Variants in GSE1 observed in about 807,000 individuals in gnomAD.
The protein encoded by GSE1 is genetic suppressor element 1.
GSE1 carries 32 observed loss-of-function variants against 112.6 expected under a neutral mutation model. The ratio of observed to expected loss-of-function variants is 0.28; its 90% CI spans 0.21 to 0.38. The LOEUF (loss-of-function observed/expected upper bound fraction) is 0.38, where lower values mean the gene tolerates loss of function less well. GSE1 is among the 10% of genes least tolerant of loss of function. The pLI is 1.00. For synonymous variants in GSE1, 1,115 were observed against 735.6 expected, an observed-to-expected ratio of 1.52 and a Z score of -8.35; for missense variants, 2,348 against 1,699.2, an observed-to-expected ratio of 1.38 and a Z score of -6.71.
chr16:85,655,336 T>C (rs1027660578), intron 5 of GSE1, among the ~76,000 whole-genome samples: 1 of 152,178 alleles, frequency 6.6e-6, no homozygotes, highest in South Asian at 2.1e-4. Context: ...GGTGGCACTG[T>C]GGTCTGGCCT....
chr16:85,599,410 C>G (rs1300705024), intron 1 of GSE1, among the ~76,000 whole-genome samples: 2 of 152,248 alleles, frequency 1.3e-5, no homozygotes, highest in African/African-American at 2.4e-5. Flanking sequence ...AATACTGATT[C>G]CTGGGCTCCG....
intron 2 of GSE1, among the ~76,000 whole-genome samples, chr16:85,395,155 G>A (rs747349042): frequency 1.3e-5 from 2 of 152,108 alleles, no homozygotes; most frequent in African/African-American, 2.4e-5. Flanking sequence ...GGGGCAAGCT[G>A]GGGTAGGCCT....
chr16:85,315,640 C>T (rs1001883573), intron 1 of GSE1, among the ~76,000 whole-genome samples: 3 of 152,090 alleles, frequency 2.0e-5, no homozygotes, highest in South Asian at 2.1e-4. Flanking sequence ...GACTTGAGAC[C>T]GTGTGTAAGG....
intron 1 of GSE1, among the ~76,000 whole-genome samples, chr16:85,565,408 AAAAAAAAC>A (rs1744643198): frequency 1.3e-5 from 2 of 151,074 alleles, no homozygotes; most frequent in East Asian, 3.9e-4. Context: ...AAAAAAAACA[AAAAAAAAC>A]AAAAAAACCA....
chr16:85,301,590 C>T (rs17204436), intron 1 of GSE1, among the ~76,000 whole-genome samples: 15,178 of 152,300 alleles, frequency 0.1, 887 homozygotes, highest in Non-Finnish European at 0.12. Flanking sequence ...GGACTTCTCT[C>T]CCTGCAGGGT....
At chr16:85,272,776 T>C (rs953870867) in intron 1 of GSE1, among the ~76,000 whole-genome samples, 14 of 147,110 alleles carry the variant, frequency 9.5e-5, no homozygotes, top group Admixed American at 9.3e-4. Context: ...TCTTCTCTTT[T>C]CTTTTTTTTT....
In GSE1 at chr16:85,673,248, T is replaced by C. The variant is rs1229760423; in HGVS notation, c.*709T>C. On this transcript the variant is annotated 3_prime_UTR_variant, in exon 16 of 16. Transcript: ENST00000253458. Reference sequence around the variant, plus strand: ...ATACACAGCTTCACACCCACCAGATTGTTACTACAGTGGGTTGGGTTTTCA... The same window carrying C: ...ATACACAGCTTCACACCCACCAGATCGTTACTACAGTGGGTTGGGTTTTCA... 6.6e-6 allele frequency: 1 copy of C among 152,534 alleles called. No individual in the cohort carries two copies. Among genetic ancestry groups the C allele is most frequent in the African/African-American group, 2.4e-5 (1 of 41,406 alleles). 9.4% of individuals were successfully genotyped at this position (152,534 alleles called of 1,614,324 possible). A position where few individuals can be genotyped will look rare whatever the true frequency, so the allele number is the denominator to read the frequency against.
upstream of GSE1, among the ~76,000 whole-genome samples, chr16:85,551,553 C>A (rs906798700): frequency 1.3e-4 from 20 of 152,232 alleles, no homozygotes; most frequent in African/African-American, 4.8e-4. Context: ...GAAGGCCGCC[C>A]GGGAGGCTCA....
At chr16:85,549,464 C>T (rs2044827051) in intron 2 of GSE1, among the ~76,000 whole-genome samples, 1 of 152,198 alleles carries the variant, frequency 6.6e-6, no homozygotes, top group Non-Finnish European at 1.5e-5. Flanking sequence ...GGGTATAAGC[C>T]ACTGCACCTG....
intron 1 of GSE1, among the ~76,000 whole-genome samples, chr16:85,267,494 C>T (rs1348170735): frequency 1.3e-5 from 2 of 152,040 alleles, no homozygotes; most frequent in Non-Finnish European, 2.9e-5. Flanking sequence ...TGCCTATGTG[C>T]GCACGCATGT....
intron 1 of GSE1, among the ~76,000 whole-genome samples, chr16:85,181,311 G>A (rs1423971642): frequency 1.3e-5 from 2 of 152,240 alleles, no homozygotes; most frequent in Non-Finnish European, 2.9e-5. Context: ...TTTCAGATAA[G>A]GAGGCCAAGG....
At chr16:85,263,810 T>A (rs1907957935) in intron 1 of GSE1, among the ~76,000 whole-genome samples, 1 of 152,170 alleles carries the variant, frequency 6.6e-6, no homozygotes, top group South Asian at 2.1e-4. Context: ...TGAGCTCAGG[T>A]CATCTGCCTT....
chr16:85,556,346 C>T (rs1353485831), exon 1 of GSE1: 1 of 985,010 alleles, frequency 1.0e-6, no homozygotes, highest in Non-Finnish European at 1.2e-6. Flanking sequence ...TTGAAGCCGC[C>T]TCTGTATTAC....
At chr16:85,331,999 T>A (rs529703967) in intron 1 of GSE1, among the ~76,000 whole-genome samples, 1 of 152,206 alleles carries the variant, frequency 6.6e-6, no homozygotes, top group African/African-American at 2.4e-5. Flanking sequence ...CAATTCTGCA[T>A]CCAGAGGGTG....
At chr16:85,470,066 G>A (rs1295689975) in intron 2 of GSE1, among the ~76,000 whole-genome samples, 3 of 152,244 alleles carry the variant, frequency 2.0e-5, no homozygotes, top group African/African-American at 4.8e-5. Context: ...CCTGGGATGT[G>A]CTCACTCTGA....
chr16:85,268,134 C>A (rs1254255257), intron 1 of GSE1, among the ~76,000 whole-genome samples: 1 of 152,142 alleles, frequency 6.6e-6, no homozygotes, highest in Non-Finnish European at 1.5e-5. Context: ...TTTCGTGACA[C>A]AGTGCTGTCT....
At chr16:85,389,615 C>T (rs59119214) in intron 2 of GSE1, among the ~76,000 whole-genome samples, 1 of 152,186 alleles carries the variant, frequency 6.6e-6, no homozygotes, top group Non-Finnish European at 1.5e-5. Flanking sequence ...TCCTCCATCC[C>T]TCCCACCATT....
At chr16:85,232,794 T>G (rs1268063096) in intron 1 of GSE1, among the ~76,000 whole-genome samples, 1 of 152,252 alleles carries the variant, frequency 6.6e-6, no homozygotes, top group Non-Finnish European at 1.5e-5. Context: ...CCACCCCAGC[T>G]TTCTTAGCTT....
chr16:85,222,859 C>T (rs1161317529), intron 1 of GSE1, among the ~76,000 whole-genome samples: 1 of 152,156 alleles, frequency 6.6e-6, no homozygotes, highest in Non-Finnish European at 1.5e-5. Context: ...TGCGGAGCTT[C>T]CTTCATACGG....
Sources: allele counts gnomAD v4.1 joint callset (sites outside exome capture counted in the v4.1 genomes callset), GRCh38; gene constraint gnomAD v4.1.1; transcripts MANE v1.5; gene names NCBI Gene and HGNC (gene_info 2026-07-23, HGNC 2026-07-21).